Variants in IQCH observed in about 807,000 individuals in gnomAD.
IQCH encodes the protein IQ domain-containing protein H.
In IQCH, 98 loss-of-function variants were observed where a neutral mutation model predicts 117.0. The ratio of observed to expected loss-of-function variants is 0.84; its 90% CI spans 0.71 to 0.99. The LOEUF (loss-of-function observed/expected upper bound fraction) is 0.99. Ranked by LOEUF, IQCH falls within the 50% of genes least tolerant of loss-of-function variation. The probability of loss-of-function intolerance (pLI) is 0.00; values close to 1 mark genes in which losing one functional copy is unlikely to be tolerated. For synonymous variants in IQCH, 412 were observed against 448.2 expected, an observed-to-expected ratio of 0.92 and a Z score of 1.02; for missense variants, 1,102 against 1,243.8, an observed-to-expected ratio of 0.89 and a Z score of 1.72.
At chr15:67,461,295 G>A (rs1234671971) in intron 16 of IQCH, among the ~76,000 whole-genome samples, 1 of 152,196 alleles carries the variant, frequency 6.6e-6, no homozygotes, top group African/African-American at 2.4e-5. Flanking sequence ...AATATTTGCT[G>A]CATTTGAATC....
intron 18 of IQCH, among the ~76,000 whole-genome samples, chr15:67,487,344 CA>C (rs1019797412): frequency 2.5e-4 from 38 of 151,148 alleles, no homozygotes; most frequent in Non-Finnish European, 5.5e-4. Flanking sequence ...AAAACAACAA[CA>C]AAAAAAGAAT....
chr15:67,340,426 C>CA lies in IQCH; in HGVS notation c.508+3369dup, dbSNP rs57244130. 1.9e-3 allele frequency among the ~76,000 whole-genome samples: 121 copies of CA among 62,650 alleles called. 18 individuals carry two copies. The highest frequency in any genetic ancestry group is 4.5e-3 in the African/African-American group (70 of 15,442). 41.1% of individuals were successfully genotyped at this position (62,650 alleles called of 152,430 possible). ...TGGGCAACAGAGAGATACTCCATCT[C>CA]AAAAAAAAAAAAAAAAAAAAAAAAA... is the stretch of plus-strand genomic sequence containing the variant. On this transcript the variant is annotated intron_variant, in intron 5 of 20. Transcript: ENST00000335894.
At chr15:67,298,043 T>C (rs1351771017) in intron 4 of IQCH, among the ~76,000 whole-genome samples, 2 of 152,174 alleles carry the variant, frequency 1.3e-5, no homozygotes, top group Non-Finnish European at 2.9e-5. Flanking sequence ...GCACAGTGGC[T>C]CACACCTGTT....
intron 6 of IQCH, among the ~76,000 whole-genome samples, chr15:67,346,320 C>CAA (rs578243805): frequency 5.3e-5 from 8 of 151,766 alleles, no homozygotes; most frequent in African/African-American, 1.9e-4. Context: ...AACCCCCCCC[C>CAA]AAAAAAATAC....
chr15:67,296,421 G>T (rs568654696), intron 4 of IQCH, among the ~76,000 whole-genome samples: 14 of 152,274 alleles, frequency 9.2e-5, no homozygotes, highest in South Asian at 2.1e-4. Flanking sequence ...GGAAGGAATG[G>T]CAGGAGGCGG....
intron 4 of IQCH, among the ~76,000 whole-genome samples, chr15:67,312,391 A>G (rs996482946): frequency 1.4e-4 from 22 of 152,118 alleles, no homozygotes; most frequent in African/African-American, 5.3e-4. Context: ...GGGGTTCACG[A>G]CGTCCCAAAA....
At chr15:67,299,078 C>CA (rs36031731) in intron 4 of IQCH, among the ~76,000 whole-genome samples, 6,027 of 106,854 alleles carry the variant, frequency 0.056, 206 homozygotes, top group East Asian at 0.13. Flanking sequence ...TATATTCAGC[C>CA]AAAAAAAAAA....
rs2083644237 is a variant in IQCH at position 67,491,179 on chromosome 15, T to C, written c.2861+1115T>C. ...TCTACGAAGCACTGATGTTCCTATG[T>C]GGCCTCAGTCCCTCCCTCCCCAACC... On this transcript the variant is annotated intron_variant, in intron 19 of 20. Transcript: ENST00000335894. This position sits in a 1 kb window ranked among gnomAD's most constrained non-coding sequence, Gnocchi z 4.9. Among the ~76,000 whole-genome samples, 1 of 152,122 alleles carries C rather than the reference T, an allele frequency of 6.6e-6. No homozygotes were observed.
intron 4 of IQCH, among the ~76,000 whole-genome samples, chr15:67,335,493 C>T (rs997949896): frequency 2.0e-5 from 3 of 152,178 alleles, no homozygotes; most frequent in African/African-American, 7.2e-5. Flanking sequence ...GAGACCCTGC[C>T]GCTTTTGATA....
In IQCH at chr15:67,397,075, T is replaced by C. The variant is rs149894655; in HGVS notation, c.1905+1512T>C. Among the ~76,000 whole-genome samples, 278 of 152,358 alleles carry C rather than the reference T, an allele frequency of 1.8e-3. 2 individuals carry two copies. The highest frequency in any genetic ancestry group is 6.9e-3 in the East Asian group (36 of 5,192). On this transcript the variant is annotated intron_variant, in intron 13 of 20. Transcript: ENST00000335894. ...AAGATAACAAGGTAGATTGCTTGACTCTGCTTCACAGCAGAATATCTGGCT... is the reference window on the plus strand; with the variant it reads ...AAGATAACAAGGTAGATTGCTTGACCCTGCTTCACAGCAGAATATCTGGCT...
In IQCH at chr15:67,453,408, A is replaced by G. The variant is rs1370762662; in HGVS notation, c.2506-11719A>G. On this transcript the variant is annotated intron_variant, in intron 16 of 20. Transcript: ENST00000335894. The surrounding 1 kb of genome is among the most constrained non-coding windows in gnomAD (Gnocchi z 5.8). ...TGACGTACAGATGGGTTTTTGGTGT[A>G]GATGTCCTTTCTGTTTGTTAGTTTT... 6.6e-6 allele frequency among the ~76,000 whole-genome samples: 1 copy of G among 151,996 alleles called. No homozygotes were observed. Among genetic ancestry groups the G allele is most frequent in the Non-Finnish European group, 1.5e-5 (1 of 67,982 alleles).
In IQCH at chr15:67,475,892, T is replaced by C. The variant is rs2083190302; in HGVS notation, c.2799+74T>C. ...GTGATCTAGGTAGCTAATAATTTGG[T>C]GCCCCTTCAGATAGATATTCTTTAA... On this transcript the variant is annotated intron_variant, in intron 18 of 20. Coordinates refer to ENST00000335894, the MANE Select transcript of IQCH (RefSeq NM_001031715.3). This position sits in a 1 kb window ranked among gnomAD's most constrained non-coding sequence, Gnocchi z 5.7. 1 of 1,345,842 alleles carries C rather than the reference T, an allele frequency of 7.4e-7. No individual in the cohort carries two copies. Among genetic ancestry groups the C allele is most frequent in the Non-Finnish European group, 1.1e-6 (1 of 948,810 alleles). 83.4% of individuals were successfully genotyped at this position (1,345,842 alleles called of 1,614,324 possible). A position where few individuals can be genotyped will look rare whatever the true frequency, so the allele number is the denominator to read the frequency against.
In IQCH at chr15:67,417,115, G is replaced by C; in HGVS notation, c.2218+64G>C. ...ACACAACCTTGGATTCTAGTTTTGG[G>C]TCAACTGGGGCCAATTTAAATACTT... On this transcript the variant is annotated intron_variant, in intron 15 of 20. Coordinates refer to ENST00000335894, the MANE Select transcript of IQCH (RefSeq NM_001031715.3). This position sits in a 1 kb window ranked among gnomAD's most constrained non-coding sequence, Gnocchi z 4.3. 7.1e-7 allele frequency: 1 copy of C among 1,403,580 alleles called. No homozygotes were observed. The highest frequency in any genetic ancestry group is 1.5e-5 in the African/African-American group (1 of 68,198). The allele number at this position is 1,403,580 out of a possible 1,614,324, so 86.9% of individuals were successfully genotyped here.
chr15:67,487,637 G>A (rs1046736501), intron 18 of IQCH, among the ~76,000 whole-genome samples: 1 of 151,978 alleles, frequency 6.6e-6, no homozygotes, highest in Non-Finnish European at 1.5e-5. Context: ...TGGCCCACCC[G>A]AGACCAAGTA....
chr15:67,475,765 C>T lies in IQCH; in HGVS notation c.2746C>T (p.His916Tyr). The stretch of plus-strand genomic sequence containing the variant: ...ACACAGCAATCTCTCACTGGTTTTC[C>T]ACTATGTTTTTCTCCAGATCTGTAG... The part of the protein sequence containing the change: ...LRHSNLSLVF[H>Y]YVFLQICRAH... The change falls in exon 18 of 21, where the codon CAC becomes TAC. Residue 916 changes from histidine to tyrosine, a missense_variant. Transcript: ENST00000335894. The surrounding 1 kb of genome is among the most constrained non-coding windows in gnomAD (Gnocchi z 5.7). The T allele has an allele frequency of 1.2e-6, 2 of 1,614,120 alleles. No individual in the cohort carries two copies. Among genetic ancestry groups the T allele is most frequent in the Non-Finnish European group, 1.7e-6 (2 of 1,179,980 alleles).
chr15:67,255,509 G>C (rs1161672304), intron 1 of IQCH, among the ~76,000 whole-genome samples: 1 of 152,206 alleles, frequency 6.6e-6, no homozygotes, highest in South Asian at 2.1e-4. Flanking sequence ...TGTCAAGAAA[G>C]TCTTGTCCAA....
rs1016291842 is a variant in IQCH at position 67,476,802 on chromosome 15, A to G, written c.2799+984A>G. On this transcript the variant is annotated intron_variant, in intron 18 of 20. Transcript: ENST00000335894. The surrounding 1 kb of genome is among the most constrained non-coding windows in gnomAD (Gnocchi z 4.1). Reference sequence around the variant, plus strand: ...CAGGGCCATTCTAAGACCCTGAGTAACCCTGTACACTCTTACTTATGGAAG... The same window carrying G: ...CAGGGCCATTCTAAGACCCTGAGTAGCCCTGTACACTCTTACTTATGGAAG... Among the ~76,000 whole-genome samples the G allele has an allele frequency of 6.6e-6, 1 of 152,150 alleles. No homozygotes were observed. The highest frequency in any genetic ancestry group is 6.5e-5 in the Admixed American group (1 of 15,274).
chr15:67,483,644 C>CT (rs2083396803), intron 18 of IQCH, among the ~76,000 whole-genome samples: 1 of 152,096 alleles, frequency 6.6e-6, no homozygotes, highest in East Asian at 1.9e-4. Context: ...ACCTCATGAC[C>CT]TTGATCTCTT....
intron 4 of IQCH, among the ~76,000 whole-genome samples, chr15:67,307,413 T>C (rs1239239330): frequency 1.3e-5 from 2 of 150,672 alleles, no homozygotes; most frequent in Admixed American, 1.3e-4. Context: ...ACTGAAAGCA[T>C]ATTCATTTCT....
Sources: gnomAD v4.1 joint callset for allele counts (sites outside exome capture counted in the v4.1 genomes callset) on GRCh38, gnomAD v4.1.1 for gene constraint, Gnocchi (gnomAD v3.1) non-coding constraint, MANE v1.5 for transcripts, NCBI Gene and HGNC (gene_info 2026-07-23, HGNC 2026-07-21) for gene names.